Variants in GYG2 observed in about 807,000 individuals in gnomAD.
The protein encoded by GYG2 is glycogenin 2.
GYG2 carries 29 observed loss-of-function variants against 29.4 expected under a neutral mutation model. The ratio of observed to expected loss-of-function variants is 0.99; its 90% CI spans 0.74 to 1.35. The LOEUF is 1.35. Ranked by LOEUF, GYG2 falls within the 40% of genes most tolerant of loss-of-function variation. The pLI, the probability that GYG2 is intolerant of heterozygous loss-of-function variation, is 0.00. For synonymous variants in GYG2, 167 were observed against 172.3 expected, an observed-to-expected ratio of 0.97 and a Z score of 0.24; for missense variants, 370 against 385.7, an observed-to-expected ratio of 0.96 and a Z score of 0.34.
intron 3 of GYG2, among the ~76,000 whole-genome samples, chrX:2,850,050 G>T (rs187430293): frequency 9.3e-4 from 103 of 111,224 alleles, no homozygotes; most frequent in African/African-American, 3.2e-3. Flanking sequence ...CTAGGACATT[G>T]AAGCTGCAGT....
At chrX:2,838,378 G>A (rs1454861060) in intron 2 of GYG2, among the ~76,000 whole-genome samples, 1 of 109,635 alleles carries the variant, frequency 9.1e-6, no homozygotes, top group East Asian at 2.9e-4. Context: ...GGAATATATT[G>A]TCAGGAAAAG....
intron 3 of GYG2, among the ~76,000 whole-genome samples, chrX:2,848,715 T>C (rs756616969): frequency 2.6e-4 from 29 of 111,636 alleles, no homozygotes; most frequent in Admixed American, 7.7e-4. Context: ...ACACAAAGGA[T>C]AAATGCTTGA....
intron 8 of GYG2, among the ~76,000 whole-genome samples, chrX:2,865,265 C>T (rs1017355215): frequency 8.1e-5 from 9 of 111,148 alleles, no homozygotes; most frequent in African/African-American, 2.3e-4. Context: ...ACAGTCAGGA[C>T]GCTCCAGTCC....
At chrX:2,838,376 T>C (rs1259163325) in intron 2 of GYG2, among the ~76,000 whole-genome samples, 1 of 110,399 alleles carries the variant, frequency 9.1e-6, no homozygotes, top group African/African-American at 3.3e-5. Flanking sequence ...CAGGAATATA[T>C]TGTCAGGAAA....
At chrX:2,875,720 A>C in intron 8 of GYG2, 90 bp from the exon 9 acceptor site, 1 of 593,944 alleles carries the variant, frequency 1.7e-6, no homozygotes, top group Non-Finnish European at 2.8e-6. Context: ...CCATAGAGGC[A>C]GAAAAAAATG....
chrX:2,855,337 C>T (rs1234862305), intron 5 of GYG2, among the ~76,000 whole-genome samples, 182 bp downstream of exon 5: 3 of 112,034 alleles, frequency 2.7e-5, no homozygotes. Flanking sequence ...TATCTGCACA[C>T]ACCTGGATGA....
chrX:2,881,555 T>A lies in GYG2; in HGVS notation c.*342T>A, dbSNP rs1023865900. ...GGACCTCTGAAGTACGCTGGAGCTG[T>A]GTTGTACAGGTGCTGTGAGACCTAC... On this transcript the variant is annotated 3_prime_UTR_variant, in exon 11 of 11. Coordinates refer to ENST00000398806, the MANE Select transcript of GYG2 (RefSeq NM_001079855.2). 4.2e-5 allele frequency: 7 copies of A among 166,167 alleles called. No homozygotes were observed. The Admixed American group carries it at 5.2e-4, about 12-fold the overall frequency. 13.7% of individuals were successfully genotyped at this position (166,167 alleles called of 1,213,427 possible).
chrX:2,863,114 A>G (rs1359886563), intron 8 of GYG2, among the ~76,000 whole-genome samples: 2 of 106,303 alleles, frequency 1.9e-5, no homozygotes, highest in Non-Finnish European at 3.9e-5. Context: ...TCTCTCTGTC[A>G]CCCAGGCTGG....
At chrX:2,839,221 G>A (rs1445085663) in intron 2 of GYG2, among the ~76,000 whole-genome samples, 1 of 111,365 alleles carries the variant, frequency 9.0e-6, no homozygotes, top group African/African-American at 3.3e-5. Flanking sequence ...TTTGCCCCTG[G>A]TGATGGGTAT....
At chrX:2,847,901 G>A (rs764742424) in intron 3 of GYG2, among the ~76,000 whole-genome samples, 5 of 111,758 alleles carry the variant, frequency 4.5e-5, no homozygotes, top group African/African-American at 1.6e-4. Context: ...GTGTTGAGCA[G>A]CGTCCCTGGG....
At chrX:2,850,298 AGAAT>A (rs1490584657) in intron 3 of GYG2, among the ~76,000 whole-genome samples, 2 of 111,992 alleles carry the variant, frequency 1.8e-5, no homozygotes, top group Non-Finnish European at 3.8e-5. Flanking sequence ...CAGAGAAGAA[AGAAT>A]GAGCATATGT....
intron 8 of GYG2, among the ~76,000 whole-genome samples, chrX:2,873,106 A>G (rs1377777718): frequency 1.8e-5 from 2 of 111,490 alleles, no homozygotes; most frequent in African/African-American, 6.5e-5. Flanking sequence ...GGAAGGCTCA[A>G]CCTGTCTGCC....
rs1160808974 is a variant in GYG2, at chrX:2,856,635, C to T, written c.614+11C>T. ...CCCTGCCTTCAAGCAGTAAGTTCTC[C>T]ACCCTGGCGAATCCTGCCAGATCTG... On this transcript the variant is annotated intron_variant, in intron 6 of 10. Transcript: ENST00000398806. The T allele has an allele frequency of 1.7e-6, 2 of 1,195,848 alleles. No homozygotes were observed. Among genetic ancestry groups the T allele is most frequent in the Non-Finnish European group, 2.3e-6 (2 of 885,355 alleles).
At chrX:2,855,802 G>A (rs1295266959) in intron 5 of GYG2, among the ~76,000 whole-genome samples, 2 of 111,858 alleles carry the variant, frequency 1.8e-5, no homozygotes, top group African/African-American at 6.5e-5. Context: ...GCTGGCACCT[G>A]TAGTCCCCAA....
At chrX:2,861,021 A>T (rs779954062) in intron 7 of GYG2, among the ~76,000 whole-genome samples, 23 of 107,616 alleles carry the variant, frequency 2.1e-4, no homozygotes, top group African/African-American at 7.5e-4. Context: ...TGAGCCACCA[A>T]GCCCGGCCTT....
chrX:2,867,272 C>T (rs2088319623), intron 8 of GYG2, among the ~76,000 whole-genome samples: 1 of 88,330 alleles, frequency 1.1e-5, no homozygotes, highest in Non-Finnish European at 2.3e-5. Flanking sequence ...CCCTCCACCC[C>T]ACTGTCATGC....
intron 8 of GYG2, among the ~76,000 whole-genome samples, chrX:2,873,237 G>C (rs113320039): frequency 0.16 from 17,346 of 111,469 alleles, 1,032 homozygotes; most frequent in South Asian, 0.36. Flanking sequence ...TGATATCTTT[G>C]ACAACTTATA....
At chrX:2,861,289 T>TTAAGTACTGGATTAC (rs1180180551) in intron 7 of GYG2, among the ~76,000 whole-genome samples, 1 of 108,938 alleles carries the variant, frequency 9.2e-6, no homozygotes, top group East Asian at 2.9e-4. Context: ...TACTGGATTA[T>TTAAGTACTGGATTAC]TAAGTACTGG....
chrX:2,879,288 G>A (rs991822773), intron 10 of GYG2, among the ~76,000 whole-genome samples: 14 of 34,205 alleles, frequency 4.1e-4, no homozygotes, highest in African/African-American at 1.4e-3. Context: ...TTTTTTTTTT[G>A]ATGGAGTCTC....
Sources: gnomAD v4.1 joint callset for allele counts (sites outside exome capture counted in the v4.1 genomes callset) on GRCh38, gnomAD v4.1.1 for gene constraint, MANE v1.5 for transcripts, NCBI Gene and HGNC (gene_info 2026-07-23, HGNC 2026-07-21) for gene names.